The following AKAP11 variants were observed in gnomAD, a reference collection of about 807,000 sequenced individuals.
The protein encoded by AKAP11 is A-kinase anchor protein 11.
In AKAP11, 36 loss-of-function variants were observed where a neutral mutation model predicts 146.1. That is an observed-to-expected ratio of 0.25 (90% CI 0.19 to 0.33). The LOEUF (loss-of-function observed/expected upper bound fraction) is 0.33. Among genes scored for constraint, AKAP11 ranks in the 10% least tolerant of loss-of-function variants. The pLI, the probability that AKAP11 is intolerant of heterozygous loss-of-function variation, is 1.00. For missense variants in AKAP11, 2,201 were observed against 2,197.0 expected (o/e 1.00, Z -0.04); for synonymous variants, 780 against 786.5 (o/e 0.99, Z 0.14).
rs1960988981 is a variant in AKAP11, at chr13:42,319,548, T to C, written c.*320T>C. Reference sequence around the variant, plus strand: ...TGACCACATTCTTTTTGTATCCAAATAGTGCTGCTAGAAACTGCACTGAAG... The same window carrying C: ...TGACCACATTCTTTTTGTATCCAAACAGTGCTGCTAGAAACTGCACTGAAG... On this transcript the variant is annotated 3_prime_UTR_variant, in exon 13 of 13. Transcript: ENST00000025301. 1 of 203,660 alleles carries C rather than the reference T, an allele frequency of 4.9e-6. No individual in the cohort carries two copies. The highest frequency in any genetic ancestry group is 9.7e-6 in the Non-Finnish European group (1 of 102,632). The allele number at this position is 203,660 out of a possible 1,614,324, so 12.6% of individuals were successfully genotyped here.
chr13:42,301,349 A>G lies in AKAP11; in HGVS notation c.2603A>G (p.Asp868Gly), dbSNP rs1464274346. Residue 868 changes from aspartate (D) to glycine (G), a missense_variant, in exon 8 of 13, where the codon GAT (aspartate) becomes GGT (glycine). This residue lies in a region of AKAP11 where 1,867 missense variants were observed against 1,833.5 expected (regional missense o/e 1.02). Coordinates refer to ENST00000025301, the MANE Select transcript of AKAP11 (RefSeq NM_016248.4). ...EMQSSSKLPN[D>G]PAIISNFSAA... ...CAGAGTTCCTCAAAATTACCAAATG[A>G]TCCTGCAATTATTAGCAACTTTTCT... 3 of 1,614,014 alleles carry G rather than the reference A, an allele frequency of 1.9e-6. No individual in the cohort carries two copies. Among genetic ancestry groups the G allele is most frequent in the Middle Eastern group, 1.6e-4 (1 of 6,062 alleles).
intron 2 of AKAP11, 129 bp downstream of exon 2, chr13:42,286,164 G>C (rs898681565): frequency 5.1e-6 from 2 of 392,396 alleles, no homozygotes; most frequent in East Asian, 8.0e-5. Flanking sequence ...GTAAATTGGG[G>C]GGGGTGCTCA....
intron 1 of AKAP11, among the ~76,000 whole-genome samples, chr13:42,276,286 C>T (rs1462206288): frequency 2.0e-5 from 3 of 152,118 alleles, no homozygotes; most frequent in Admixed American, 6.5e-5. Context: ...TGCTCTGTCA[C>T]CCAGGCTAGG....
At chr13:42,280,737 G>C (rs1249276243) in intron 1 of AKAP11, among the ~76,000 whole-genome samples, 1 of 152,178 alleles carries the variant, frequency 6.6e-6, no homozygotes, top group Admixed American at 6.5e-5. Context: ...GGATAAAGGA[G>C]AGATATGAGC....
rs1045058625 is a variant in AKAP11, at chr13:42,303,127, C to T, written c.4381C>T (p.Leu1461=). Residue 1461 remains leucine (L), a synonymous_variant, in exon 8 of 13, where the codon CTG becomes TTG. Transcript: ENST00000025301. ...CCAACTGTATAGTTTTTCAACCTCT[C>T]TGGTTCACAGCATAACAAAAGATGC... The part of the protein sequence containing the change: ...VSQLYSFSTS[L]VHSITKDAKE... The T allele has an allele frequency of 6.2e-7, 1 of 1,614,132 alleles. No individual in the cohort carries two copies. Among genetic ancestry groups the T allele is most frequent in the Non-Finnish European group, 8.5e-7 (1 of 1,180,030 alleles).
Position 42,302,936 on chromosome 13 carries a change from C to G in AKAP11, c.4190C>G (p.Pro1397Arg). The G allele has an allele frequency of 6.2e-7, 1 of 1,613,880 alleles. No individual in the cohort carries two copies. The change falls in exon 8 of 13, where the codon CCT becomes CGT. Residue 1397 changes from proline to arginine, a missense_variant. Pro to Arg is a moderately radical substitution (Grantham distance 103). Transcript: ENST00000025301. ...GTGCAGTGCAACTCAAGAATGTTCCCTGTGCCAAGTTCACAAGTGAAAACA... is the reference window on the plus strand; with the variant it reads ...GTGCAGTGCAACTCAAGAATGTTCCGTGTGCCAAGTTCACAAGTGAAAACA... ...TKVQCNSRMF[P>R]VPSSQVKTNK...
Position 42,300,721 on chromosome 13 carries a change from A to G in AKAP11, c.1975A>G (p.Ile659Val), listed in dbSNP as rs768999620. The G allele has an allele frequency of 3.1e-6, 5 of 1,613,994 alleles. No individual in the cohort carries two copies. The African/African-American group carries it at 5.3e-5, about 17-fold the overall frequency. The change falls in exon 8 of 13, where the codon ATC (isoleucine) becomes GTC (valine). Residue 659 changes from isoleucine (I) to valine (V), a missense_variant. Ile to Val is a conservative substitution (Grantham distance 29, BLOSUM62 3). Around this residue, in one of 3 missense-constraint regions of AKAP11, gnomAD observed 1,867 missense variants for 1,833.5 expected, o/e 1.02. Coordinates refer to ENST00000025301, the MANE Select transcript of AKAP11 (RefSeq NM_016248.4). ...TGCTGAAGAGCTTGTTTTTGAAGGC[A>G]TCATGGAGGTGTGTCAGTTTTCATA... ...DLAEELVFEG[I>V]MEVCQFSYPQ...
chr13:42,291,527 G>A (rs9533058), intron 3 of AKAP11, among the ~76,000 whole-genome samples: 18,728 of 152,174 alleles, frequency 0.12, 1,215 homozygotes, highest in South Asian at 0.19. Flanking sequence ...GATTACACAC[G>A]TGAGCCACTG....
rs2138594588 is a variant in AKAP11, at chr13:42,301,126, A to G, written c.2380A>G (p.Ile794Val). The G allele has an allele frequency of 3.1e-6, 5 of 1,614,078 alleles. No homozygotes were observed. Among genetic ancestry groups the G allele is most frequent in the Non-Finnish European group, 3.4e-6 (4 of 1,179,962 alleles). ...LAGSALLPYH[I>V]SSTACQAKAH... ...AGGAAGTGCCCTTCTCCCATATCAT[A>G]TTTCATCTACTGCATGTCAGGCCAA... is the stretch of plus-strand genomic sequence containing the variant. Residue 794 changes from isoleucine to valine, a missense_variant, in exon 8 of 13, where the codon ATT (isoleucine) becomes GTT (valine). By Grantham distance (29) the Ile-to-Val change is conservative. This residue lies in a region of AKAP11 where 1,867 missense variants were observed against 1,833.5 expected (regional missense o/e 1.02). Coordinates refer to ENST00000025301, the MANE Select transcript of AKAP11 (RefSeq NM_016248.4).
intron 10 of AKAP11, 74 bp downstream of exon 10, chr13:42,313,204 A>G: frequency 8.4e-7 from 1 of 1,191,960 alleles, no homozygotes; most frequent in Non-Finnish European, 1.2e-6. Flanking sequence ...TCTTCAAAGA[A>G]TGTGGGTTAC....
intron 1 of AKAP11, among the ~76,000 whole-genome samples, chr13:42,282,833 T>C (rs1959092421): frequency 6.6e-6 from 1 of 152,246 alleles, no homozygotes; most frequent in South Asian, 2.1e-4. Context: ...GTAGGTTCAC[T>C]TTAATTTCTT....
At chr13:42,295,572 A>G in intron 4 of AKAP11, 123 bp from the exon 5 acceptor site, 1 of 896,648 alleles carries the variant, frequency 1.1e-6, no homozygotes, top group Non-Finnish European at 1.7e-6. Flanking sequence ...TCTTTGAAAA[A>G]AATCCTTTTC....
At chr13:42,312,977 T>C in intron 9 of AKAP11, 70 bp from the exon 10 acceptor site, 1 of 1,313,636 alleles carries the variant, frequency 7.6e-7, no homozygotes, top group Non-Finnish European at 1.1e-6. Context: ...CAGAAGCTGT[T>C]CCGAGGAAAC....
intron 1 of AKAP11, among the ~76,000 whole-genome samples, chr13:42,278,157 C>G (rs1320317371): frequency 1.3e-5 from 2 of 152,100 alleles, no homozygotes; most frequent in Non-Finnish European, 2.9e-5. Context: ...TTGAGAAACT[C>G]TGTAGCGGTA....
chr13:42,272,725 G>T (rs1024389962), intron 1 of AKAP11, among the ~76,000 whole-genome samples: 8 of 152,182 alleles, frequency 5.3e-5, no homozygotes, highest in Non-Finnish European at 1.2e-4. Context: ...GCGCTGCTCA[G>T]ATCTTGTAAA....
At position 42,308,596 on chromosome 13, in the gene AKAP11, C is replaced by A; in HGVS notation, c.5260C>A (p.His1754Asn). Residue 1754 changes from histidine to asparagine, a missense_variant, in exon 9 of 13, where the codon CAT (histidine) becomes AAT (asparagine). Transcript: ENST00000025301. ...EHQDESSSFH[H>N]LSESNGNSSS... ...CCAAGATGAAAGCAGCAGTTTTCATCATCTAAGTGAAAGGTAACTACACTT... is the reference window on the plus strand; with the variant it reads ...CCAAGATGAAAGCAGCAGTTTTCATAATCTAAGTGAAAGGTAACTACACTT... The A allele has an allele frequency of 6.2e-7, 1 of 1,611,888 alleles. No homozygotes were observed. The highest frequency in any genetic ancestry group is 8.5e-7 in the Non-Finnish European group (1 of 1,178,646).
chr13:42,286,387 A>G lies in AKAP11; in HGVS notation c.39A>G (p.Ala13=), dbSNP rs1244881261. The G allele has an allele frequency of 6.2e-7, 1 of 1,601,194 alleles. No individual in the cohort carries two copies. Among genetic ancestry groups the G allele is most frequent in the Non-Finnish European group, 8.5e-7 (1 of 1,175,078 alleles). ...GAAACAATCACATGAAGACTAAAGC[A>G]TCTGTCAGAAAAGTAAGTTCACTCT... ...TFRNNHMKTK[A]SVRKSFSEDV... Residue 13 remains alanine (A), a synonymous_variant, in exon 3 of 13, where the codon GCA becomes GCG. Transcript: ENST00000025301.
At chr13:42,296,419 C>T (rs1166891340) in intron 5 of AKAP11, among the ~76,000 whole-genome samples, 1 of 152,004 alleles carries the variant, frequency 6.6e-6, no homozygotes, top group Admixed American at 6.6e-5. Context: ...TTCTTCTTCT[C>T]CTTTAAGAGT....
intron 8 of AKAP11, 86 bp from the exon 9 acceptor site, chr13:42,308,368 A>G: frequency 4.3e-6 from 5 of 1,152,246 alleles, no homozygotes; most frequent in South Asian, 1.7e-5. Flanking sequence ...TGTTTTTATC[A>G]TCTTTGTCAT....
Sources: allele counts gnomAD v4.1 joint callset (sites outside exome capture counted in the v4.1 genomes callset), GRCh38; gene constraint gnomAD v4.1.1; regional missense constraint gnomAD v4.1.1; transcripts MANE v1.5; gene names NCBI Gene and HGNC (gene_info 2026-07-23, HGNC 2026-07-21).